Variants in ZNF135 observed in about 807,000 individuals in gnomAD.
ZNF135 encodes zinc finger protein 135 (clone pHZ-17).
In ZNF135, 11 loss-of-function variants were observed where a neutral mutation model predicts 12.3. That is an observed-to-expected ratio of 0.89 (90% CI 0.56 to 1.48). The LOEUF is 1.48. Among genes scored for constraint, ZNF135 ranks in the 40% most tolerant of loss-of-function variants. The pLI is 0.00. For missense variants in ZNF135, 722 were observed against 815.7 expected, an observed-to-expected ratio of 0.89 and a Z score of 1.40; for synonymous variants, 316 against 312.0, an observed-to-expected ratio of 1.01 and a Z score of -0.14.
In ZNF135 at chr19:58,061,714, C is replaced by T. The variant is rs1482722834; in HGVS notation, c.160+8C>T. ...GGCTTCTGGTCTCTGTGGGTAAGGC[C>T]ACACCCATGTCCTATCTGTTGATCT... is the stretch of plus-strand genomic sequence containing the variant. On this transcript the variant is annotated splice_region_variant and intron_variant, in intron 3 of 4. Transcript: ENST00000313434. The T allele has an allele frequency of 6.2e-7, 1 of 1,609,752 alleles. No homozygotes were observed. The highest frequency in any genetic ancestry group is 2.2e-5 in the East Asian group (1 of 44,704).
chr19:58,059,904 C>A lies in ZNF135; in HGVS notation c.-34-65C>A, dbSNP rs1027760990. 1.8e-5 allele frequency: 29 copies of A among 1,584,986 alleles called. No individual in the cohort carries two copies. The highest frequency in any genetic ancestry group is 1.8e-4 in the Middle Eastern group (1 of 5,638). Reference sequence around the variant, plus strand: ...GAGCTCCCCAGGCTCTGGCGCAGTTCCCCGGCTTGGGGACCTGAGCACCGC... The same window carrying A: ...GAGCTCCCCAGGCTCTGGCGCAGTTACCCGGCTTGGGGACCTGAGCACCGC... On this transcript the variant is annotated intron_variant, in intron 1 of 4. Coordinates refer to ENST00000313434, the MANE Select transcript of ZNF135 (RefSeq NM_001289401.2). The surrounding 1 kb of genome is among the most constrained non-coding windows in gnomAD (Gnocchi z 6.5).
At position 58,063,267 on chromosome 19, in the gene ZNF135, AGGGACTGAGAGTAG is replaced by A. The variant is rs3833210; in HGVS notation, c.161-174_161-161del. On this transcript the variant is annotated intron_variant, in intron 3 of 4. Transcript: ENST00000313434. This position sits in a 1 kb window ranked among gnomAD's most constrained non-coding sequence, Gnocchi z 4.4. ...CCACCCCAGAACCAGTGGTAGGGTCAGGGACTGAGAGTAGGGGAATGAGTCCCTGAGGAACATCC... is the reference window on the plus strand; with the variant it reads ...CCACCCCAGAACCAGTGGTAGGGTCAGGGAATGAGTCCCTGAGGAACATCC... 0.54 allele frequency among the ~76,000 whole-genome samples: 81,832 copies of A among 151,512 alleles called. 22,658 individuals carry two copies. The highest frequency in any genetic ancestry group is 0.58 in the Non-Finnish European group (39,361 of 67,784).
At position 58,060,356 on chromosome 19, in the gene ZNF135, A is replaced by C; in HGVS notation, c.33+321A>C. 5 of 1,263,764 alleles carry C rather than the reference A, an allele frequency of 4.0e-6. No individual in the cohort carries two copies. The highest frequency in any genetic ancestry group is 4.2e-5 in the East Asian group (1 of 23,954). 78.3% of individuals were successfully genotyped at this position (1,263,764 alleles called of 1,614,324 possible). ...CCTAAAGTCCGCGCCAAGCTCCCCA[A>C]CCACAGCCTGCCTCTGAAAGGACCG... On this transcript the variant is annotated intron_variant, in intron 2 of 4. Coordinates refer to ENST00000313434, the MANE Select transcript of ZNF135 (RefSeq NM_001289401.2). This position sits in a 1 kb window ranked among gnomAD's most constrained non-coding sequence, Gnocchi z 4.9.
At position 58,063,760 on chromosome 19, in the gene ZNF135, G is replaced by C; in HGVS notation, c.256+219G>C. Reference sequence around the variant, plus strand: ...GAGTGGGGGAAACAAACAATAAATCGGTAAAATAATAATAATAAAACAAGT... The same window carrying C: ...GAGTGGGGGAAACAAACAATAAATCCGTAAAATAATAATAATAAAACAAGT... On this transcript the variant is annotated intron_variant, in intron 4 of 4. Transcript: ENST00000313434. The surrounding 1 kb of genome is among the most constrained non-coding windows in gnomAD (Gnocchi z 4.4). 8.0e-7 allele frequency: 1 copy of C among 1,243,578 alleles called. No homozygotes were observed. The highest frequency in any genetic ancestry group is 1.0e-6 in the Non-Finnish European group (1 of 957,232). 77.0% of individuals were successfully genotyped at this position (1,243,578 alleles called of 1,614,324 possible).
Position 58,060,029 on chromosome 19 carries a change from A to T in ZNF135, c.27A>T (p.Thr9=), listed in dbSNP as rs777966791. Residue 9 remains threonine (T), a synonymous_variant, in exon 2 of 5, where the codon ACA becomes ACT. Coordinates refer to ENST00000313434, the MANE Select transcript of ZNF135 (RefSeq NM_001289401.2). The surrounding 1 kb of genome is among the most constrained non-coding windows in gnomAD (Gnocchi z 4.9). ...TGACCCCTGGGGTGCGCGTCTCCAC[A>T]GACCCGGTGAGAATCTCGGCCTCCT... is the stretch of plus-strand genomic sequence containing the variant. MTPGVRVS[T]DPEQVTFEDV... is the part of the protein sequence containing the mutation. The T allele has an allele frequency of 6.2e-7, 1 of 1,613,424 alleles. No individual in the cohort carries two copies. The highest frequency in any genetic ancestry group is 1.1e-5 in the South Asian group (1 of 91,078).
Position 58,059,368 on chromosome 19 carries a change from GT to G in ZNF135, c.-35+59del, listed in dbSNP as rs1599916729. 9.1e-6 allele frequency: 8 copies of G among 876,516 alleles called. No individual in the cohort carries two copies. In the African/African-American group the frequency reaches 1.2e-4, roughly 14 times the overall value. The allele number at this position is 876,516 out of a possible 1,614,324, so 54.3% of individuals were successfully genotyped here. On this transcript the variant is annotated intron_variant, in intron 1 of 4. Coordinates refer to ENST00000313434, the MANE Select transcript of ZNF135 (RefSeq NM_001289401.2). The surrounding 1 kb of genome is among the most constrained non-coding windows in gnomAD (Gnocchi z 6.5). Reference sequence around the variant, plus strand: ...GCCAGGCCGGGCCGGGCCGGGCCGGGTGCGGGGGGTCCGGGGATCTTCCTGA... The same window carrying G: ...GCCAGGCCGGGCCGGGCCGGGCCGGGGCGGGGGGTCCGGGGATCTTCCTGA...
Position 58,060,215 on chromosome 19 carries a change from A to ACTGGCCTCTACTCGCGCAC in ZNF135, c.33+193_33+211dup, listed in dbSNP as rs902362698. The ACTGGCCTCTACTCGCGCAC allele has an allele frequency of 6.9e-7, 1 of 1,441,976 alleles. No individual in the cohort carries two copies. Among genetic ancestry groups the ACTGGCCTCTACTCGCGCAC allele is most frequent in the Non-Finnish European group, 9.2e-7 (1 of 1,088,156 alleles). 89.3% of individuals were successfully genotyped at this position (1,441,976 alleles called of 1,614,324 possible). On this transcript the variant is annotated intron_variant, in intron 2 of 4. Transcript: ENST00000313434. This position sits in a 1 kb window ranked among gnomAD's most constrained non-coding sequence, Gnocchi z 4.9. ...CTCGTGCCCGGCCTCTACTCGCACA[A>ACTGGCCTCTACTCGCGCAC]CTGGCCTCTACTCGCGCACCTGGCC...
Position 58,067,718 on chromosome 19 carries a change from T to C in ZNF135, c.1234T>C (p.Cys412Arg). Reference sequence around the variant, plus strand: ...CCACACAGGAGAAAAGCCCTATGAGTGTGGTGAGTGTGGGAAAGCCTTCAG... The same window carrying C: ...CCACACAGGAGAAAAGCCCTATGAGCGTGGTGAGTGTGGGAAAGCCTTCAG... ...RTHTGEKPYE[C>R]GECGKAFSQS... The change falls in exon 5 of 5, where the codon TGT becomes CGT. Residue 412 changes from cysteine (C) to arginine (R), a missense_variant. Cys to Arg is a radical substitution (Grantham distance 180). Transcript: ENST00000313434. 6.2e-7 allele frequency: 1 copy of C among 1,613,812 alleles called. No individual in the cohort carries two copies. Among genetic ancestry groups the C allele is most frequent in the Non-Finnish European group, 8.5e-7 (1 of 1,180,006 alleles).
In ZNF135 at chr19:58,068,415, C is replaced by G; in HGVS notation, c.1931C>G (p.Thr644Ser). ...TGCAGGGACTGTGGAAAGGCCTTTACCCACAGCTCCTCCCTTACCAAGCAC... is the reference window on the plus strand; with the variant it reads ...TGCAGGGACTGTGGAAAGGCCTTTAGCCACAGCTCCTCCCTTACCAAGCAC... ...YACRDCGKAF[T>S]HSSSLTKHQR... Residue 644 changes from threonine to serine, a missense_variant, in exon 5 of 5, where the codon ACC (threonine) becomes AGC (serine). Thr to Ser is a moderately conservative substitution (Grantham distance 58). Coordinates refer to ENST00000313434, the MANE Select transcript of ZNF135 (RefSeq NM_001289401.2). 4 of 1,614,084 alleles carry G rather than the reference C, an allele frequency of 2.5e-6. No individual in the cohort carries two copies. Among genetic ancestry groups the G allele is most frequent in the Non-Finnish European group, 3.4e-6 (4 of 1,179,984 alleles).
chr19:58,064,599 G>A (rs1036578630), intron 4 of ZNF135, among the ~76,000 whole-genome samples: 3 of 151,880 alleles, frequency 2.0e-5, no homozygotes, highest in African/African-American at 7.3e-5. Flanking sequence ...TGTTAATTAA[G>A]GGCTGGGAGC....
In ZNF135 at chr19:58,060,093, G is replaced by A; in HGVS notation, c.33+58G>A. 6.2e-7 allele frequency: 1 copy of A among 1,606,326 alleles called. No individual in the cohort carries two copies. Among genetic ancestry groups the A allele is most frequent in the Non-Finnish European group, 8.5e-7 (1 of 1,178,530 alleles). ...CACCTCGTGCCCGGCCTCCTCGCGCGCGGCCTTCTCACGCCCGGCCTCCTC... is the reference window on the plus strand; with the variant it reads ...CACCTCGTGCCCGGCCTCCTCGCGCACGGCCTTCTCACGCCCGGCCTCCTC... On this transcript the variant is annotated intron_variant, in intron 2 of 4. Coordinates refer to ENST00000313434, the MANE Select transcript of ZNF135 (RefSeq NM_001289401.2). The surrounding 1 kb of genome is among the most constrained non-coding windows in gnomAD (Gnocchi z 4.9).
rs533965936 is a variant in ZNF135 at position 58,061,853 on chromosome 19, A to G, written c.160+147A>G. On this transcript the variant is annotated intron_variant, in intron 3 of 4. Coordinates refer to ENST00000313434, the MANE Select transcript of ZNF135 (RefSeq NM_001289401.2). Reference sequence around the variant, plus strand: ...TTTAAGAACCTGACTGTTTTAATGTAGGAAATATCAATTAAGACCAATATT... The same window carrying G: ...TTTAAGAACCTGACTGTTTTAATGTGGGAAATATCAATTAAGACCAATATT... 333 of 1,070,732 alleles carry G rather than the reference A, an allele frequency of 3.1e-4. 1 individual carries two copies. The highest frequency in any genetic ancestry group is 5.6e-4 in the Admixed American group (18 of 32,090). The allele number at this position is 1,070,732 out of a possible 1,614,324, so 66.3% of individuals were successfully genotyped here.
At chr19:58,062,425 C>T (rs567431302) in intron 3 of ZNF135, among the ~76,000 whole-genome samples, 76 of 152,228 alleles carry the variant, frequency 5.0e-4, no homozygotes, top group African/African-American at 1.8e-3. Context: ...CTGTGTCACC[C>T]GGGCTGGAGT....
Position 58,068,318 on chromosome 19 carries a change from G to T in ZNF135, c.1834G>T (p.Gly612Ter). The stretch of plus-strand genomic sequence containing the variant: ...AAAGCCCTATGAGTGTCACGATTGC[G>T]GAAAGTCCTTTAGGCAGAGCACCCA... ...GEKPYECHDC[G>*]KSFRQSTHLT... is the part of the protein sequence containing the mutation. The change falls in exon 5 of 5, where the codon GGA becomes TGA. Residue 612 changes from glycine to a stop codon, truncating the protein, a stop_gained. Transcript: ENST00000313434. LOFTEE classifies it low-confidence loss of function (END_TRUNC). The T allele has an allele frequency of 6.2e-7, 1 of 1,613,998 alleles. No individual in the cohort carries two copies. Among genetic ancestry groups the T allele is most frequent in the Non-Finnish European group, 8.5e-7 (1 of 1,180,000 alleles).
At position 58,068,593 on chromosome 19, in the gene ZNF135, A is replaced by G. The variant is rs2074119702; in HGVS notation, c.*132A>G. On this transcript the variant is annotated 3_prime_UTR_variant, in exon 5 of 5. Transcript: ENST00000313434. ...CCTTTTCACACAGCACTCCCCTCAGACACCCTCAGAGAGTTCACACTGATG... is the reference window on the plus strand; with the variant it reads ...CCTTTTCACACAGCACTCCCCTCAGGCACCCTCAGAGAGTTCACACTGATG... 9.9e-7 allele frequency: 1 copy of G among 1,010,176 alleles called. No homozygotes were observed. Among genetic ancestry groups the G allele is most frequent in the African/African-American group, 1.6e-5 (1 of 61,568 alleles). The allele number at this position is 1,010,176 out of a possible 1,614,324, so 62.6% of individuals were successfully genotyped here.
At chr19:58,066,650 T>C in intron 4 of ZNF135, 91 bp from the exon 5 acceptor site, 1 of 1,514,860 alleles carries the variant, frequency 6.6e-7, no homozygotes, top group Non-Finnish European at 8.9e-7. Flanking sequence ...TTCAAAATAA[T>C]TAGTTTTATC....
chr19:58,066,977 T>G lies in ZNF135; in HGVS notation c.493T>G (p.Phe165Val), dbSNP rs774707623. 2.1e-5 allele frequency: 34 copies of G among 1,613,948 alleles called. No homozygotes were observed. The highest frequency in any genetic ancestry group is 1.7e-4 in the Middle Eastern group (1 of 6,060). Reference protein sequence around the residue: ...PVLEQWQRNGFGENISLNPDL... With the variant: ...PVLEQWQRNGVGENISLNPDL... The stretch of plus-strand genomic sequence containing the variant: ...TCTGGAGCAGTGGCAGAGGAATGGG[T>G]TTGGGGAAAACATAAGTCTGAACCC... The change falls in exon 5 of 5, where the codon TTT (phenylalanine) becomes GTT (valine). Residue 165 changes from phenylalanine (F) to valine (V), a missense_variant. Phe to Val is a conservative substitution (Grantham distance 50). Transcript: ENST00000313434.
At position 58,059,972 on chromosome 19, in the gene ZNF135, AG is replaced by A; in HGVS notation, c.-28del. ...GCTCACCTCCCCTTTCCCACAGAGC[AG>A]GGCCAGCCGTTCCTGCCAGAAGCCA... On this transcript the variant is annotated 5_prime_UTR_variant, in exon 2 of 5. Transcript: ENST00000313434. The surrounding 1 kb of genome is among the most constrained non-coding windows in gnomAD (Gnocchi z 6.5). The A allele has an allele frequency of 6.2e-7, 1 of 1,612,942 alleles. No individual in the cohort carries two copies. Among genetic ancestry groups the A allele is most frequent in the East Asian group, 2.2e-5 (1 of 44,846 alleles).
In ZNF135 at chr19:58,067,814, G is replaced by A. The variant is rs1181134293; in HGVS notation, c.1330G>A (p.Gly444Arg). 2 of 1,613,824 alleles carry A rather than the reference G, an allele frequency of 1.2e-6. No individual in the cohort carries two copies. The highest frequency in any genetic ancestry group is 1.7e-5 in the Admixed American group (1 of 59,990). ...GAAGCCCTATGGATGCAACGAGTGTGGGAAAACCTTCAGCCACAGCTCCTC... is the reference window on the plus strand; with the variant it reads ...GAAGCCCTATGGATGCAACGAGTGTAGGAAAACCTTCAGCCACAGCTCCTC... Reference protein sequence around the residue: ...GEKPYGCNECGKTFSHSSSLS... With the variant: ...GEKPYGCNECRKTFSHSSSLS... Residue 444 changes from glycine (G) to arginine (R), a missense_variant, in exon 5 of 5, where the codon GGG becomes AGG. Gly to Arg is a moderately radical substitution (Grantham distance 125). Coordinates refer to ENST00000313434, the MANE Select transcript of ZNF135 (RefSeq NM_001289401.2).
Sources: gnomAD v4.1 joint callset for allele counts (sites outside exome capture counted in the v4.1 genomes callset) on GRCh38, gnomAD v4.1.1 for gene constraint, Gnocchi (gnomAD v3.1) non-coding constraint, MANE v1.5 for transcripts, NCBI Gene and HGNC (gene_info 2026-07-23, HGNC 2026-07-21) for gene names.